Variants in POMT2 observed in about 807,000 individuals in gnomAD.
POMT2 encodes the protein protein O-mannosyl-transferase 2.
Under a neutral mutation model 100.0 loss-of-function variants are expected in POMT2, and 75 were observed. The ratio of observed to expected loss-of-function variants is 0.75; its 90% CI spans 0.62 to 0.91. The LOEUF is 0.91. Ranked by LOEUF, POMT2 falls within the 40% of genes least tolerant of loss-of-function variation. POMT2 has a pLI of 0.00. For missense variants in POMT2, 940 were observed against 955.1 expected, an observed-to-expected ratio of 0.98 and a Z score of 0.21; for synonymous variants, 378 against 374.1, an observed-to-expected ratio of 1.01 and a Z score of -0.12.
At position 77,284,956 on chromosome 14, in the gene POMT2, G is replaced by A. The variant is rs1421956619; in HGVS notation, c.1570C>T (p.Pro524Ser). ...SIWNVEDHIN[P>S]KLPNISLDVL... ...AGAAAGTGACCTCACTCACACTTGGGATTGATATGGTCCTCCACATTCCAG... is the reference window on the plus strand; with the variant it reads ...AGAAAGTGACCTCACTCACACTTGGAATTGATATGGTCCTCCACATTCCAG... The change falls in exon 14 of 21, where the codon CCC becomes TCC. Residue 524 changes from proline to serine, a missense_variant. Coordinates refer to ENST00000261534, the MANE Select transcript of POMT2 (RefSeq NM_013382.7). 6 of 1,607,718 alleles carry A rather than the reference G, an allele frequency of 3.7e-6. No individual in the cohort carries two copies. The highest frequency in any genetic ancestry group is 5.1e-6 in the Non-Finnish European group (6 of 1,174,190).
At chr14:77,285,209 G>T (rs115761455) in intron 13 of POMT2, 168 bp from the exon 14 acceptor site, 3 of 731,416 alleles carry the variant, frequency 4.1e-6, no homozygotes, top group Non-Finnish European at 6.8e-6. Context: ...CTAGCATACA[G>T]TATTCCCATT....
intron 5 of POMT2, among the ~76,000 whole-genome samples, chr14:77,301,690 C>T (rs1306843882): frequency 6.6e-6 from 1 of 152,170 alleles, no homozygotes. Flanking sequence ...AAGTACGATG[C>T]ATATATTAAC....
Position 77,320,579 on chromosome 14 carries a change from C to G in POMT2, c.103G>C (p.Ala35Pro). Residue 35 changes from alanine (A) to proline (P), a missense_variant, in exon 1 of 21, where the codon GCT becomes CCT. Coordinates refer to ENST00000261534, the MANE Select transcript of POMT2 (RefSeq NM_013382.7). ...TTGGGGCTTCGCGCCACAGCCTCAG[C>G]GGCCACGTCCCGGCCTGCGGCCCTA... ...AARAAGRDVAAEAVARSPKRP... is the reference protein window; with the variant it reads ...AARAAGRDVAPEAVARSPKRP... 6.3e-7 allele frequency: 1 copy of G among 1,575,804 alleles called. No homozygotes were observed. Among genetic ancestry groups the G allele is most frequent in the Non-Finnish European group, 8.6e-7 (1 of 1,168,070 alleles).
intron 4 of POMT2, among the ~76,000 whole-genome samples, chr14:77,304,019 A>G (rs970710190): frequency 4.6e-5 from 7 of 152,254 alleles, no homozygotes; most frequent in African/African-American, 1.7e-4. Context: ...ACAAGGAAAA[A>G]GCCACCAGTC....
intron 2 of POMT2, 46 bp from the exon 3 acceptor site, chr14:77,306,487 A>C: frequency 6.2e-7 from 1 of 1,601,898 alleles, no homozygotes; most frequent in Non-Finnish European, 8.5e-7. Flanking sequence ...CTTTGGGAGA[A>C]GATTCCTCTG....
intron 13 of POMT2, 131 bp downstream of exon 13, chr14:77,285,350 C>G (rs1890384447): frequency 8.1e-7 from 1 of 1,234,060 alleles, no homozygotes; most frequent in South Asian, 1.3e-5. Flanking sequence ...TATCTACTCT[C>G]CCTCCATCTG....
intron 15 of POMT2, among the ~76,000 whole-genome samples, chr14:77,282,891 A>G (rs1192727431): frequency 6.6e-6 from 1 of 152,236 alleles, no homozygotes; most frequent in African/African-American, 2.4e-5. Flanking sequence ...TGATAATCAC[A>G]TATCTGGCTT....
At chr14:77,299,407 A>G in intron 7 of POMT2, 48 bp downstream of exon 7, 3 of 1,543,496 alleles carry the variant, frequency 1.9e-6, no homozygotes, top group Non-Finnish European at 2.7e-6. Context: ...CAGGCTTAGG[A>G]GCAAAAGGAA....
At position 77,296,112 on chromosome 14, in the gene POMT2, T is replaced by C. The variant is rs1196675388; in HGVS notation, c.1116+52A>G. 5.9e-6 allele frequency: 8 copies of C among 1,358,534 alleles called. No individual in the cohort carries two copies. In the East Asian group the frequency reaches 7.4e-5, roughly 13 times the overall value. 84.2% of individuals were successfully genotyped at this position (1,358,534 alleles called of 1,614,324 possible). A position where few individuals can be genotyped will look rare whatever the true frequency, so the allele number is the denominator to read the frequency against. On this transcript the variant is annotated intron_variant, in intron 9 of 20. Coordinates refer to ENST00000261534, the MANE Select transcript of POMT2 (RefSeq NM_013382.7). The stretch of plus-strand genomic sequence containing the variant: ...AAGGATAGGAGGCAAGAGAGTGAAC[T>C]GTCATGGCGAACAGCATTGCTGCCG...
chr14:77,312,293 C>T (rs556875373), intron 1 of POMT2: 3 of 399,192 alleles, frequency 7.5e-6, no homozygotes, highest in Admixed American at 8.2e-5. Context: ...TATACATATA[C>T]TTACTCTGTA....
chr14:77,313,708 G>A (rs1450561945), intron 1 of POMT2, among the ~76,000 whole-genome samples: 1 of 152,024 alleles, frequency 6.6e-6, no homozygotes, highest in Non-Finnish European at 1.5e-5. Context: ...GTTTTGTTTT[G>A]TTTTTGCTTG....
intron 15 of POMT2, among the ~76,000 whole-genome samples, chr14:77,283,560 A>G (rs1403323257): frequency 6.6e-6 from 1 of 152,218 alleles, no homozygotes; most frequent in African/African-American, 2.4e-5. Flanking sequence ...TATAGTGCTT[A>G]GCGTAGTGCC....
rs1326993941 is a variant in POMT2 at position 77,278,518 on chromosome 14, A to G, written c.2033-10T>C. 2 of 1,464,594 alleles carry G rather than the reference A, an allele frequency of 1.4e-6. No individual in the cohort carries two copies. The highest frequency in any genetic ancestry group is 2.4e-5 in the South Asian group (2 of 82,454). 90.7% of individuals were successfully genotyped at this position (1,464,594 alleles called of 1,614,324 possible). A position where few individuals can be genotyped will look rare whatever the true frequency, so the allele number is the denominator to read the frequency against. ...GTGTCCCACAGAATGCCTAGAGGAG[A>G]GGAGAGAAACCTGGAGTCAGCCAGG... On this transcript the variant is annotated splice_polypyrimidine_tract_variant and intron_variant, in intron 19 of 20. Coordinates refer to ENST00000261534, the MANE Select transcript of POMT2 (RefSeq NM_013382.7).
rs1252798920 is a variant in POMT2 at position 77,275,408 on chromosome 14, G to A, written c.*1968C>T. On this transcript the variant is annotated 3_prime_UTR_variant, in exon 21 of 21. Transcript: ENST00000261534. ...CTCCTTCCTCACCCTCATGCAAGGT[G>A]GCTGCCCCTCTGGCTCCTTCAGAGC... is the stretch of plus-strand genomic sequence containing the variant. The A allele has an allele frequency of 1.3e-5, 2 of 152,294 alleles. No individual in the cohort carries two copies. Among genetic ancestry groups the A allele is most frequent in the Non-Finnish European group, 2.9e-5 (2 of 68,106 alleles). 9.4% of individuals were successfully genotyped at this position (152,294 alleles called of 1,614,324 possible). A position where few individuals can be genotyped will look rare whatever the true frequency, so the allele number is the denominator to read the frequency against.
chr14:77,288,865 T>G (rs1340856920), intron 10 of POMT2, 34 bp from the exon 11 acceptor site: 1 of 1,587,976 alleles, frequency 6.3e-7, no homozygotes, highest in Non-Finnish European at 8.6e-7. Context: ...ATATCCAAAA[T>G]CACTCACCAG....
At position 77,299,522 on chromosome 14, in the gene POMT2, G is replaced by A. The variant is rs375363915; in HGVS notation, c.856C>T (p.Leu286Phe). 5.6e-6 allele frequency: 9 copies of A among 1,614,178 alleles called. No homozygotes were observed. The highest frequency in any genetic ancestry group is 6.8e-6 in the Non-Finnish European group (8 of 1,180,014). ...GKHLTARVLC[L>F]IVLPLALYTA... ...TAGAGAGCCAGGGGCAGCACTATGA[G>A]GCACAGGACACGAGCAGTCAGGTGT... The change falls in exon 7 of 21, where the codon CTC becomes TTC. Residue 286 changes from leucine to phenylalanine, a missense_variant. Physicochemically the swap from Leu to Phe is conservative, Grantham distance 22 (BLOSUM62 0). Transcript: ENST00000261534.
chr14:77,317,530 T>C (rs541914929), intron 1 of POMT2, among the ~76,000 whole-genome samples: 26 of 152,310 alleles, frequency 1.7e-4, no homozygotes, highest in African/African-American at 6.0e-4. Context: ...AGGCATGACA[T>C]TGTCAAGTAC....
chr14:77,313,764 T>C (rs942892661), intron 1 of POMT2, among the ~76,000 whole-genome samples: 1 of 152,172 alleles, frequency 6.6e-6, no homozygotes, highest in Admixed American at 6.5e-5. Context: ...CTGGAGTACA[T>C]GGACACAATC....
chr14:77,304,560 T>C, intron 4 of POMT2, 132 bp downstream of exon 4: 1 of 1,433,128 alleles, frequency 7.0e-7, no homozygotes, highest in Non-Finnish European at 9.5e-7. Flanking sequence ...AGATTTGTAG[T>C]ACATTTTACC....
Sources: gnomAD v4.1 joint callset for allele counts (sites outside exome capture counted in the v4.1 genomes callset) on GRCh38, gnomAD v4.1.1 for gene constraint, MANE v1.5 for transcripts, NCBI Gene and HGNC (gene_info 2026-07-23, HGNC 2026-07-21) for gene names.